MEPCE: variants seen among roughly 807,000 people sequenced by gnomAD.
The protein encoded by MEPCE is methylphosphate capping enzyme, also known as 7SK snRNA methylphosphate capping enzyme.
A neutral mutation model predicts 52.3 loss-of-function variants in MEPCE; 9 were observed. The ratio of observed to expected loss-of-function variants is 0.17; its 90% CI spans 0.10 to 0.30. MEPCE has a LOEUF of 0.30. MEPCE is among the 10% of genes least tolerant of loss of function. The pLI, the probability that MEPCE is intolerant of heterozygous loss-of-function variation, is 1.00. For synonymous variants in MEPCE, 477 were observed against 401.6 expected, an observed-to-expected ratio of 1.19 and a Z score of -2.25; for missense variants, 826 against 933.0, an observed-to-expected ratio of 0.89 and a Z score of 1.49.
At position 100,431,056 on chromosome 7, in the gene MEPCE, T is replaced by C. The variant is rs1445488851; in HGVS notation, c.1038T>C (p.Pro346=). Residue 346 remains proline, a synonymous_variant, in exon 1 of 4, where the codon CCT becomes CCC. Coordinates refer to ENST00000310512, the MANE Select transcript of MEPCE (RefSeq NM_019606.6). The part of the protein sequence containing the change: ...LQGPSGSLSA[P]PAASVISAPP... ...GTCCCTCAGGCTCCCTATCAGCCCCTCCAGCTGCCTCAGTTATCTCTGCAC... is the reference window on the plus strand; with the variant it reads ...GTCCCTCAGGCTCCCTATCAGCCCCCCCAGCTGCCTCAGTTATCTCTGCAC... 3 of 1,613,666 alleles carry C rather than the reference T, an allele frequency of 1.9e-6. No homozygotes were observed. Among genetic ancestry groups the C allele is most frequent in the Non-Finnish European group, 2.5e-6 (3 of 1,180,022 alleles).
rs142061761 is a variant in MEPCE, at chr7:100,430,574, C to T, written c.556C>T (p.Leu186Phe). 1.9e-6 allele frequency: 3 copies of T among 1,603,304 alleles called. No individual in the cohort carries two copies. The highest frequency in any genetic ancestry group is 1.3e-5 in the African/African-American group (1 of 74,920). The change falls in exon 1 of 4, where the codon CTC becomes TTC. Residue 186 changes from leucine to phenylalanine, a missense_variant. Transcript: ENST00000310512. ...TGACTCTGTGTTACCCTCCAACTTC[C>T]TCCTGGGGGGCAATATCTTTGATCC... Reference protein sequence around the residue: ...DCDSVLPSNFLLGGNIFDPLN... With the variant: ...DCDSVLPSNFFLGGNIFDPLN...
chr7:100,433,838 CATGGGAG>C lies in MEPCE; in HGVS notation c.*285_*291del. ...TTTGCTGACCTCTGTTCTCTTAGGG[CATGGGAG>C]GTGGGAGGATATCAAATTCTCTAGC... On this transcript the variant is annotated 3_prime_UTR_variant, in exon 4 of 4. Transcript: ENST00000310512. 1 of 495,266 alleles carries C rather than the reference CATGGGAG, an allele frequency of 2.0e-6. No homozygotes were observed. The highest frequency in any genetic ancestry group is 2.8e-5 in the South Asian group (1 of 35,162). The allele number at this position is 495,266 out of a possible 1,614,324, so 30.7% of individuals were successfully genotyped here.
Position 100,429,937 on chromosome 7 carries a change from G to A in MEPCE, c.-82G>A. ...CTGCGCGCGCACTCGGGAAAGGGGG[G>A]AAGGGAGCAGGGTCCAGGCAGGGGG... On this transcript the variant is annotated 5_prime_UTR_variant, in exon 1 of 4. Transcript: ENST00000310512. 1.8e-6 allele frequency: 2 copies of A among 1,086,564 alleles called. No individual in the cohort carries two copies. The highest frequency in any genetic ancestry group is 4.5e-5 in the South Asian group (1 of 22,134). The allele number at this position is 1,086,564 out of a possible 1,614,324, so 67.3% of individuals were successfully genotyped here.
At position 100,430,233 on chromosome 7, in the gene MEPCE, C is replaced by T. The variant is rs745499809; in HGVS notation, c.215C>T (p.Ala72Val). 2.2e-6 allele frequency: 3 copies of T among 1,336,578 alleles called. No homozygotes were observed. The South Asian group carries it at 6.1e-5, about 27-fold the overall frequency. The allele number at this position is 1,336,578 out of a possible 1,614,324, so 82.8% of individuals were successfully genotyped here. ...GCGGTCGGTCGGGAAAGCCCCGGGG[C>T]CGCGGCCACCTCCTCCAGTGGTCCC... ...AAAVGRESPG[A>V]AATSSSGPQA... The change falls in exon 1 of 4, where the codon GCC (alanine) becomes GTC (valine). Residue 72 changes from alanine to valine, a missense_variant. Coordinates refer to ENST00000310512, the MANE Select transcript of MEPCE (RefSeq NM_019606.6).
rs751247589 is a variant in MEPCE, at chr7:100,430,442, C to G, written c.424C>G (p.Pro142Ala). The change falls in exon 1 of 4, where the codon CCT (proline) becomes GCT (alanine). Residue 142 changes from proline to alanine, a missense_variant. By Grantham distance (27) the Pro-to-Ala change is conservative. Coordinates refer to ENST00000310512, the MANE Select transcript of MEPCE (RefSeq NM_019606.6). ...CAATGGCTATCAGCCCCACCGGCCACCTGGGGGGGGCGGGGGCAAGAGGAG... is the reference window on the plus strand; with the variant it reads ...CAATGGCTATCAGCCCCACCGGCCAGCTGGGGGGGGCGGGGGCAAGAGGAG... ...PRNGYQPHRPPGGGGGKRRNS... is the reference protein window; with the variant it reads ...PRNGYQPHRPAGGGGGKRRNS... The G allele has an allele frequency of 5.1e-6, 8 of 1,557,906 alleles. No homozygotes were observed. Among genetic ancestry groups the G allele is most frequent in the Non-Finnish European group, 6.9e-6 (8 of 1,154,826 alleles).
Position 100,433,318 on chromosome 7 carries a change from C to T in MEPCE, c.1946C>T (p.Ser649Phe), listed in dbSNP as rs542187478. The change falls in exon 3 of 4, where the codon TCC becomes TTC. Residue 649 changes from serine (S) to phenylalanine (F), a missense_variant. This residue lies in a region of MEPCE where 82 missense variants were observed against 121.4 expected (regional missense o/e 0.68). Coordinates refer to ENST00000310512, the MANE Select transcript of MEPCE (RefSeq NM_019606.6). ...RIQLKPEQFS[S>F]YLTSPDVGFS... ...CAATTGAAGCCAGAGCAGTTCAGTT[C>T]CTACCTGACATCCCCAGACGTGGGC... 6.2e-7 allele frequency: 1 copy of T among 1,614,196 alleles called. No homozygotes were observed. The highest frequency in any genetic ancestry group is 8.5e-7 in the Non-Finnish European group (1 of 1,180,032).
Position 100,430,436 on chromosome 7 carries a change from C to T in MEPCE, c.418C>T (p.Arg140Trp). The change falls in exon 1 of 4, where the codon CGG becomes TGG. Residue 140 changes from arginine to tryptophan, a missense_variant. Physicochemically the swap from Arg to Trp is moderately radical, Grantham distance 101. Around this residue, in one of 7 missense-constraint regions of MEPCE, gnomAD observed 314 missense variants for 277.7 expected, o/e 1.13. Coordinates refer to ENST00000310512, the MANE Select transcript of MEPCE (RefSeq NM_019606.6). The part of the protein sequence containing the change: ...PRPRNGYQPH[R>W]PPGGGGGKRR... Reference sequence around the variant, plus strand: ...ACCCCGCAATGGCTATCAGCCCCACCGGCCACCTGGGGGGGGCGGGGGCAA... The same window carrying T: ...ACCCCGCAATGGCTATCAGCCCCACTGGCCACCTGGGGGGGGCGGGGGCAA... 1 of 1,557,158 alleles carries T rather than the reference C, an allele frequency of 6.4e-7. No homozygotes were observed. Among genetic ancestry groups the T allele is most frequent in the Non-Finnish European group, 8.7e-7 (1 of 1,154,418 alleles).
chr7:100,432,228 T>C (rs1798738976), intron 1 of MEPCE, among the ~76,000 whole-genome samples: 1 of 152,138 alleles, frequency 6.6e-6, no homozygotes, highest in Non-Finnish European at 1.5e-5. Context: ...CTGTAGATCC[T>C]CTCCACATTG....
chr7:100,430,170 C>T lies in MEPCE; in HGVS notation c.152C>T (p.Pro51Leu), dbSNP rs1798576890. ...GELRGGTERG[P>L]GRCAPSAGSP... ...CTCCGCGGCGGGACGGAGCGTGGTC[C>T]GGGTCGTTGCGCGCCATCTGCGGGG... Residue 51 changes from proline to leucine, a missense_variant, in exon 1 of 4, where the codon CCG becomes CTG. Transcript: ENST00000310512. 6.2e-6 allele frequency: 8 copies of T among 1,293,236 alleles called. No individual in the cohort carries two copies. Among genetic ancestry groups the T allele is most frequent in the South Asian group, 2.5e-5 (1 of 40,340 alleles). 80.1% of individuals were successfully genotyped at this position (1,293,236 alleles called of 1,614,324 possible). A position where few individuals can be genotyped will look rare whatever the true frequency, so the allele number is the denominator to read the frequency against.
rs1434668065 is a variant in MEPCE at position 100,430,883 on chromosome 7, C to T, written c.865C>T (p.Pro289Ser). The change falls in exon 1 of 4, where the codon CCT becomes TCT. Residue 289 changes from proline to serine, a missense_variant. Pro to Ser is a moderately conservative substitution (Grantham distance 74, BLOSUM62 -1). This residue lies in a region of MEPCE where 307 missense variants were observed against 292.1 expected (regional missense o/e 1.05). Transcript: ENST00000310512. ...SESHPVPPTA[P>S]LTPLLHGEGA... ...GAGTCACCCCGTGCCGCCCACAGCC[C>T]CTCTCACCCCCTTACTCCACGGGGA... 6.2e-6 allele frequency: 10 copies of T among 1,608,976 alleles called. No homozygotes were observed. The East Asian group carries it at 1.3e-4, about 22-fold the overall frequency.
rs775917552 is a variant in MEPCE, at chr7:100,431,596, G to T, written c.1578G>T (p.Ser526=). The change falls in exon 1 of 4, where the codon TCG becomes TCT. Residue 526 remains serine (S), a synonymous_variant. Coordinates refer to ENST00000310512, the MANE Select transcript of MEPCE (RefSeq NM_019606.6). ...TVRKRSCFPA[S]LTASRGPIAA... ...GAAAGAGGAGCTGCTTCCCAGCCTC[G>T]CTGACTGCCAGCCGGGGTCCCATCG... 3.1e-6 allele frequency: 5 copies of T among 1,611,200 alleles called. No individual in the cohort carries two copies. The highest frequency in any genetic ancestry group is 1.1e-5 in the South Asian group (1 of 91,084).
rs1189074163 is a variant in MEPCE at position 100,429,848 on chromosome 7, C to T, written c.-171C>T. On this transcript the variant is annotated 5_prime_UTR_variant, in exon 1 of 4. Transcript: ENST00000310512. The stretch of plus-strand genomic sequence containing the variant: ...TCGCGGGCCTCTTGTTTTGGTCTCG[C>T]GGGCTAGTAGGGCGCACTTGGCGGG... 4.1e-6 allele frequency: 2 copies of T among 492,466 alleles called. No individual in the cohort carries two copies. Among genetic ancestry groups the T allele is most frequent in the Admixed American group, 8.8e-5 (2 of 22,772 alleles). 30.5% of individuals were successfully genotyped at this position (492,466 alleles called of 1,614,324 possible).
chr7:100,433,399 G>T lies in MEPCE; in HGVS notation c.2017+10G>T. On this transcript the variant is annotated intron_variant, in intron 3 of 3. Coordinates refer to ENST00000310512, the MANE Select transcript of MEPCE (RefSeq NM_019606.6). ...CACAACACCTCTAAAGGTAAGGCTGGTTTATTTTGTCAGGGAGGCTGGTCC... is the reference window on the plus strand; with the variant it reads ...CACAACACCTCTAAAGGTAAGGCTGTTTTATTTTGTCAGGGAGGCTGGTCC... 1 of 1,614,186 alleles carries T rather than the reference G, an allele frequency of 6.2e-7. No homozygotes were observed. Among genetic ancestry groups the T allele is most frequent in the Non-Finnish European group, 8.5e-7 (1 of 1,180,026 alleles).
chr7:100,429,880 C>G lies in MEPCE; in HGVS notation c.-139C>G. The stretch of plus-strand genomic sequence containing the variant: ...GTAGGGCGCACTTGGCGGGGAGGCG[C>G]TTGGGCGCGAGACTAGGCGTGAAGA... On this transcript the variant is annotated 5_prime_UTR_variant, in exon 1 of 4. Transcript: ENST00000310512. 1.4e-6 allele frequency: 1 copy of G among 701,816 alleles called. No homozygotes were observed. The highest frequency in any genetic ancestry group is 2.0e-6 in the Non-Finnish European group (1 of 504,712). 43.5% of individuals were successfully genotyped at this position (701,816 alleles called of 1,614,324 possible).
chr7:100,432,965 C>T lies in MEPCE; in HGVS notation c.1718C>T (p.Pro573Leu). The T allele has an allele frequency of 6.2e-7, 1 of 1,614,064 alleles. No individual in the cohort carries two copies. The highest frequency in any genetic ancestry group is 8.5e-7 in the Non-Finnish European group (1 of 1,180,034). The change falls in exon 2 of 4, where the codon CCT (proline) becomes CTT (leucine). Residue 573 changes from proline to leucine, a missense_variant. Pro to Leu is a moderately conservative substitution (Grantham distance 98, BLOSUM62 -3). This residue lies in a region of MEPCE where 107 missense variants were observed against 157.9 expected (regional missense o/e 0.68). Coordinates refer to ENST00000310512, the MANE Select transcript of MEPCE (RefSeq NM_019606.6). ...GATGACCTGGTGGAGGCCCAAACAC[C>T]TGAGTATGATGTGGTGCTCTGCCTC... is the stretch of plus-strand genomic sequence containing the variant. ...DRDDLVEAQT[P>L]EYDVVLCLSL...
In MEPCE at chr7:100,433,050, C is replaced by A. The variant is rs766321008; in HGVS notation, c.1803C>A (p.Arg601=). ...WGDEGLKRMF[R]RIYRHLRPGG... ...ACGAGGGCCTGAAGCGCATGTTTCG[C>A]CGGATCTACCGGCACCTACGCCCTG... is the stretch of plus-strand genomic sequence containing the variant. Residue 601 remains arginine, a synonymous_variant, in exon 2 of 4, where the codon CGC becomes CGA. Transcript: ENST00000310512. The A allele has an allele frequency of 2.5e-6, 4 of 1,614,036 alleles. No homozygotes were observed.
chr7:100,432,845 C>A, intron 1 of MEPCE, 74 bp from the exon 2 acceptor site: 1 of 1,381,374 alleles, frequency 7.2e-7, no homozygotes, highest in Non-Finnish European at 1.0e-6. Flanking sequence ...CTGTATCGGC[C>A]TCAGAGCAGG....
chr7:100,433,632 A>C lies in MEPCE; in HGVS notation c.*78A>C. On this transcript the variant is annotated 3_prime_UTR_variant, in exon 4 of 4. Coordinates refer to ENST00000310512, the MANE Select transcript of MEPCE (RefSeq NM_019606.6). Reference sequence around the variant, plus strand: ...CCTGGGGGAAGAGGAAAGTGTCCCAAGGTCTTTCCTTTCTGACTCCAAAAA... The same window carrying C: ...CCTGGGGGAAGAGGAAAGTGTCCCACGGTCTTTCCTTTCTGACTCCAAAAA... 2 of 1,402,730 alleles carry C rather than the reference A, an allele frequency of 1.4e-6. No individual in the cohort carries two copies. The highest frequency in any genetic ancestry group is 2.0e-6 in the Non-Finnish European group (2 of 1,008,326). 86.9% of individuals were successfully genotyped at this position (1,402,730 alleles called of 1,614,324 possible). A position where few individuals can be genotyped will look rare whatever the true frequency, so the allele number is the denominator to read the frequency against.
At position 100,430,266 on chromosome 7, in the gene MEPCE, A is replaced by G. The variant is rs1798592998; in HGVS notation, c.248A>G (p.Gln83Arg). Residue 83 changes from glutamine (Q) to arginine (R), a missense_variant, in exon 1 of 4, where the codon CAG becomes CGG. Gln to Arg is a conservative substitution (Grantham distance 43). This residue lies in a region of MEPCE where 314 missense variants were observed against 277.7 expected (regional missense o/e 1.13). Transcript: ENST00000310512. Reference sequence around the variant, plus strand: ...ACCTCCTCCAGTGGTCCCCAGGCGCAGCAGCACCGAGGGGGCGGCCCCCAG... The same window carrying G: ...ACCTCCTCCAGTGGTCCCCAGGCGCGGCAGCACCGAGGGGGCGGCCCCCAG... ...AATSSSGPQAQQHRGGGPQAQ... is the reference protein window; with the variant it reads ...AATSSSGPQARQHRGGGPQAQ... 1 of 1,396,340 alleles carries G rather than the reference A, an allele frequency of 7.2e-7. No homozygotes were observed. The highest frequency in any genetic ancestry group is 9.3e-7 in the Non-Finnish European group (1 of 1,079,832). The allele number at this position is 1,396,340 out of a possible 1,614,324, so 86.5% of individuals were successfully genotyped here. A position where few individuals can be genotyped will look rare whatever the true frequency, so the allele number is the denominator to read the frequency against.
Sources: allele counts gnomAD v4.1 joint callset (sites outside exome capture counted in the v4.1 genomes callset), GRCh38; gene constraint gnomAD v4.1.1; regional missense constraint gnomAD v4.1.1; transcripts MANE v1.5; gene names NCBI Gene and HGNC (gene_info 2026-07-23, HGNC 2026-07-21).